MDGA2: variants seen among roughly 807,000 people sequenced by gnomAD.
MDGA2 encodes the protein MAM domain containing glycosylphosphatidylinositol anchor 2.
Under a neutral mutation model 117.8 loss-of-function variants are expected in MDGA2, and 40 were observed. The observed-to-expected ratio is 0.34, with a 90% confidence interval of 0.26 to 0.44. The LOEUF (loss-of-function observed/expected upper bound fraction) is 0.44, where lower values mean the gene tolerates loss of function less well. Among genes scored for constraint, MDGA2 ranks in the 20% least tolerant of loss-of-function variants. MDGA2 has a pLI of 1.00. For missense variants in MDGA2, 1,123 were observed against 1,250.6 expected (o/e 0.90, Z 1.54); for synonymous variants, 452 against 439.0 (o/e 1.03, Z -0.37).
intron 3 of MDGA2, among the ~76,000 whole-genome samples, chr14:47,216,564 T>C (rs1478562102): frequency 6.6e-6 from 1 of 152,128 alleles, no homozygotes; most frequent in Non-Finnish European, 1.5e-5. Flanking sequence ...CTTATAAAAG[T>C]TACAAACAAA....
chr14:47,617,211 T>G (rs1186081959), intron 1 of MDGA2, among the ~76,000 whole-genome samples: 1 of 147,266 alleles, frequency 6.8e-6, no homozygotes, highest in East Asian at 2.0e-4. Flanking sequence ...GTATTAGTCT[T>G]TTTTTTTTTT....
intron 14 of MDGA2, among the ~76,000 whole-genome samples, chr14:46,861,554 A>AT (rs1426570415): frequency 2.0e-5 from 3 of 151,954 alleles, no homozygotes; most frequent in African/African-American, 7.2e-5. Context: ...TAGGTTTGAG[A>AT]ATAGGCTAAA....
At chr14:47,550,583 C>G (rs1219830047) in intron 1 of MDGA2, among the ~76,000 whole-genome samples, 1 of 151,660 alleles carries the variant, frequency 6.6e-6, no homozygotes, top group Non-Finnish European at 1.5e-5. Context: ...AAGAAAATCA[C>G]AGAAATTCTT....
chr14:47,404,112 T>C (rs1892211221), intron 1 of MDGA2, among the ~76,000 whole-genome samples: 1 of 152,138 alleles, frequency 6.6e-6, no homozygotes, highest in Non-Finnish European at 1.5e-5. Context: ...TCCTGTTAAA[T>C]CTTTATTTTG....
At position 47,287,449 on chromosome 14, in the gene MDGA2, T is replaced by C. The variant is rs543629380; in HGVS notation, c.420+13962A>G. Among the ~76,000 whole-genome samples the C allele has an allele frequency of 3.3e-5, 5 of 152,288 alleles. No individual in the cohort carries two copies. The South Asian group carries it at 1.0e-3, about 32-fold the overall frequency. On this transcript the variant is annotated intron_variant, in intron 2 of 16. Coordinates refer to ENST00000399232, the MANE Select transcript of MDGA2 (RefSeq NM_001113498.3). ...TTGAAAAATATGAATTATATATTTA[T>C]GGTGTACAATGTGATGTTTTGATAT...
rs146586736 is a variant in MDGA2, at chr14:47,413,644, A to G, written c.281-112094T>C. ...GGCCATCCCTCTCCCTCTTGATGCTATATTTATTATAAGTAATAGTTTTTG... is the reference window on the plus strand; with the variant it reads ...GGCCATCCCTCTCCCTCTTGATGCTGTATTTATTATAAGTAATAGTTTTTG... On this transcript the variant is annotated intron_variant, in intron 1 of 16. Transcript: ENST00000399232. 1.5e-4 allele frequency among the ~76,000 whole-genome samples: 22 copies of G among 150,178 alleles called. No homozygotes were observed. The East Asian group carries it at 3.9e-3, about 27-fold the overall frequency.
At chr14:47,039,188 A>T (rs1888972036) in intron 7 of MDGA2, among the ~76,000 whole-genome samples, 1 of 152,170 alleles carries the variant, frequency 6.6e-6, no homozygotes, top group African/African-American at 2.4e-5. Flanking sequence ...TGATAATAAC[A>T]AATTATAACT....
At chr14:47,306,838 A>G (rs111442028) in intron 1 of MDGA2, among the ~76,000 whole-genome samples, 122 of 55,366 alleles carry the variant, frequency 2.2e-3, no homozygotes, top group Non-Finnish European at 4.3e-3. Flanking sequence ...AGAAAGAGAA[A>G]GAGGGAGAGA....
At chr14:47,045,045 G>A (rs1211006684) in intron 7 of MDGA2, among the ~76,000 whole-genome samples, 1 of 152,158 alleles carries the variant, frequency 6.6e-6, no homozygotes, top group Non-Finnish European at 1.5e-5. Flanking sequence ...CACCCAGCAG[G>A]TGTTGCTATG....
chr14:47,385,883 A>G (rs1437325422), intron 1 of MDGA2, among the ~76,000 whole-genome samples: 2 of 152,212 alleles, frequency 1.3e-5, no homozygotes, highest in South Asian at 2.1e-4. Flanking sequence ...AATCACTAAC[A>G]TGACAGAGGG....
chr14:47,282,645 C>G (rs949043664), intron 2 of MDGA2, among the ~76,000 whole-genome samples: 1 of 150,500 alleles, frequency 6.6e-6, no homozygotes, highest in Non-Finnish European at 1.5e-5. Flanking sequence ...TTCAGTGAGC[C>G]GAGATAGGGC....
chr14:47,456,501 C>G (rs1893357679), intron 1 of MDGA2, among the ~76,000 whole-genome samples: 1 of 151,124 alleles, frequency 6.6e-6, no homozygotes, highest in Admixed American at 6.6e-5. Context: ...CGGGGTTTCT[C>G]CATGCTGGTC....
At chr14:47,163,659 T>C (rs7159185) in intron 3 of MDGA2, among the ~76,000 whole-genome samples, 34,446 of 152,094 alleles carry the variant, frequency 0.23, 4,282 homozygotes, top group East Asian at 0.33. Flanking sequence ...TATATCTTTA[T>C]CAGCAGCATG....
At chr14:47,203,796 A>C (rs1038662986) in intron 3 of MDGA2, among the ~76,000 whole-genome samples, 2 of 151,964 alleles carry the variant, frequency 1.3e-5, no homozygotes, top group African/African-American at 2.4e-5. Flanking sequence ...AAATGTTTTA[A>C]ATCACAAGAG....
In MDGA2 at chr14:47,336,433, T is replaced by G. The variant is rs117246358; in HGVS notation, c.281-34883A>C. 9.9e-4 allele frequency among the ~76,000 whole-genome samples: 151 copies of G among 152,062 alleles called. 1 individual carries two copies. The highest frequency in any genetic ancestry group is 3.4e-3 in the Middle Eastern group (1 of 292). On this transcript the variant is annotated intron_variant, in intron 1 of 16. Coordinates refer to ENST00000399232, the MANE Select transcript of MDGA2 (RefSeq NM_001113498.3). ...AGGAGAAAATAGAACTGAGAAGATA[T>G]GTTTAAGAGGAAGAAATACTTGCAT...
intron 1 of MDGA2, among the ~76,000 whole-genome samples, chr14:47,671,942 A>T (rs562775467): frequency 2.4e-4 from 37 of 152,340 alleles, no homozygotes; most frequent in African/African-American, 8.7e-4. Context: ...AAGCAATGAA[A>T]CTGTAAGCCT....
chr14:47,503,412 C>G (rs1028436573), intron 1 of MDGA2, among the ~76,000 whole-genome samples: 35 of 149,666 alleles, frequency 2.3e-4, no homozygotes, highest in African/African-American at 6.7e-4. Flanking sequence ...CTACATTATC[C>G]TCTACTACCT....
At chr14:47,217,838 A>C (rs1298209960) in intron 3 of MDGA2, among the ~76,000 whole-genome samples, 183 bp downstream of exon 3, 5 of 152,242 alleles carry the variant, frequency 3.3e-5, no homozygotes, top group Non-Finnish European at 7.4e-5. Context: ...ATATCATAGA[A>C]GTTATGAAAG....
chr14:47,175,199 C>T (rs1884380419), intron 3 of MDGA2, among the ~76,000 whole-genome samples: 1 of 151,496 alleles, frequency 6.6e-6, no homozygotes, highest in Admixed American at 6.6e-5. Context: ...GATGGATTCA[C>T]AGCCGAATTC....
Sources: allele counts gnomAD v4.1 joint callset (sites outside exome capture counted in the v4.1 genomes callset), GRCh38; gene constraint gnomAD v4.1.1; transcripts MANE v1.5; gene names NCBI Gene and HGNC (gene_info 2026-07-23, HGNC 2026-07-21).